ANLN: variants seen among roughly 807,000 people sequenced by gnomAD.
The protein encoded by ANLN is anillin.
A neutral mutation model predicts 135.1 loss-of-function variants in ANLN; 59 were observed. The ratio of observed to expected loss-of-function variants is 0.44; its 90% CI spans 0.35 to 0.54. The LOEUF (loss-of-function observed/expected upper bound fraction) is 0.54, where lower values mean the gene tolerates loss of function less well. Among genes scored for constraint, ANLN ranks in the 20% least tolerant of loss-of-function variants. The probability of loss-of-function intolerance (pLI) is 0.00; values close to 1 mark genes in which losing one functional copy is unlikely to be tolerated. For synonymous variants in ANLN, 406 were observed against 456.4 expected, an observed-to-expected ratio of 0.89 and a Z score of 1.41; for missense variants, 1,182 against 1,340.0, an observed-to-expected ratio of 0.88 and a Z score of 1.84.
rs1786339965 is a variant in ANLN, at chr7:36,389,868, G to A, written c.-159G>A. The A allele has an allele frequency of 7.5e-7, 1 of 1,332,828 alleles. No homozygotes were observed. The highest frequency in any genetic ancestry group is 1.1e-6 in the Non-Finnish European group (1 of 948,702). 82.6% of individuals were successfully genotyped at this position (1,332,828 alleles called of 1,614,324 possible). On this transcript the variant is annotated 5_prime_UTR_variant, in exon 1 of 24. Transcript: ENST00000265748. ...TTGAACGGCTGCAGAGGCCGAGTCC[G>A]TCACTGGAAGCCGAGAGGAGAGGAC...
intron 7 of ANLN, 36 bp downstream of exon 7, chr7:36,411,202 C>A: frequency 6.6e-7 from 1 of 1,526,696 alleles, no homozygotes; most frequent in South Asian, 1.2e-5. Flanking sequence ...CGAACTTGGT[C>A]CCCAAATAGT....
rs149998882 is a variant in ANLN, at chr7:36,435,576, T to C, written c.2884-3628T>C. Among the ~76,000 whole-genome samples the C allele has an allele frequency of 7.9e-4, 120 of 152,176 alleles. 3 individuals carry two copies. In the East Asian group the frequency reaches 0.021, roughly 26 times the overall value. On this transcript the variant is annotated intron_variant, in intron 20 of 23. Coordinates refer to ENST00000265748, the MANE Select transcript of ANLN (RefSeq NM_018685.5). ...AATTTCTTTTGCTCAGCGTGATGTTTTTAAGATTTATCCATGGCCGGGCGC... is the reference window on the plus strand; with the variant it reads ...AATTTCTTTTGCTCAGCGTGATGTTCTTAAGATTTATCCATGGCCGGGCGC...
chr7:36,390,112 C>G, intron 1 of ANLN, 68 bp downstream of exon 1: 1 of 1,609,912 alleles, frequency 6.2e-7, no homozygotes, highest in Non-Finnish European at 8.5e-7. Context: ...CTTCCTCTGT[C>G]AACCTCTGGG....
In ANLN at chr7:36,389,988, C is replaced by G; in HGVS notation, c.-39C>G. ...TCACTTTTCTCTTCCTGAATTTGAA[C>G]CACCGTTTCCATCGTCTCGTAGTCC... On this transcript the variant is annotated 5_prime_UTR_variant, in exon 1 of 24. Transcript: ENST00000265748. 1 of 1,614,096 alleles carries G rather than the reference C, an allele frequency of 6.2e-7. No individual in the cohort carries two copies. The highest frequency in any genetic ancestry group is 8.5e-7 in the Non-Finnish European group (1 of 1,179,962).
At chr7:36,435,680 T>C (rs1788506400) in intron 20 of ANLN, among the ~76,000 whole-genome samples, 1 of 151,604 alleles carries the variant, frequency 6.6e-6, no homozygotes, top group South Asian at 2.1e-4. Flanking sequence ...GAGACCATCC[T>C]GGCTAACACG....
chr7:36,432,217 G>A (rs1788360165), intron 20 of ANLN, among the ~76,000 whole-genome samples: 1 of 152,152 alleles, frequency 6.6e-6, no homozygotes, highest in Non-Finnish European at 1.5e-5. Context: ...GTGACAGAGT[G>A]AGACCTTGTT....
Position 36,437,128 on chromosome 7 carries a change from G to A in ANLN, c.2884-2076G>A, listed in dbSNP as rs531109189. 2.6e-5 allele frequency among the ~76,000 whole-genome samples: 4 copies of A among 152,216 alleles called. No individual in the cohort carries two copies. The South Asian group carries it at 8.3e-4, about 32-fold the overall frequency. On this transcript the variant is annotated intron_variant, in intron 20 of 23. Coordinates refer to ENST00000265748, the MANE Select transcript of ANLN (RefSeq NM_018685.5). Reference sequence around the variant, plus strand: ...GCATGACTGAAATTCTGTACTCGTGGAACTGCAGCTCCTCATATTCTCCTC... The same window carrying A: ...GCATGACTGAAATTCTGTACTCGTGAAACTGCAGCTCCTCATATTCTCCTC...
chr7:36,416,044 A>G (rs369655709), intron 8 of ANLN, among the ~76,000 whole-genome samples, 160 bp downstream of exon 8: 13 of 152,158 alleles, frequency 8.5e-5, no homozygotes, highest in African/African-American at 3.1e-4. Flanking sequence ...TTTGAGATGG[A>G]TTCTTGCCCT....
chr7:36,441,138 C>T (rs968279831), intron 21 of ANLN, among the ~76,000 whole-genome samples: 8 of 151,992 alleles, frequency 5.3e-5, no homozygotes, highest in Admixed American at 3.3e-4. Flanking sequence ...GCCTAATGAC[C>T]TTTTCTTTTC....
Position 36,406,489 on chromosome 7 carries a change from G to T in ANLN, c.796G>T (p.Asp266Tyr), listed in dbSNP as rs923512260. The change falls in exon 4 of 24, where the codon GAT (aspartate) becomes TAT (tyrosine). Residue 266 changes from aspartate (D) to tyrosine (Y), a missense_variant. By Grantham distance (160) the Asp-to-Tyr change is radical (BLOSUM62 -3). This residue lies in a region of ANLN where 1,022 missense variants were observed against 1,134.0 expected (regional missense o/e 0.90). Coordinates refer to ENST00000265748, the MANE Select transcript of ANLN (RefSeq NM_018685.5). ...EATFCSQRDG[D>Y]ASLNKALSSS... Reference sequence around the variant, plus strand: ...TACATTCTGTTCCCAAAGGGATGGCGATGCCTCTTTGAATAAAGCCCTATC... The same window carrying T: ...TACATTCTGTTCCCAAAGGGATGGCTATGCCTCTTTGAATAAAGCCCTATC... The T allele has an allele frequency of 1.9e-6, 3 of 1,593,732 alleles. No homozygotes were observed. The highest frequency in any genetic ancestry group is 2.6e-6 in the Non-Finnish European group (3 of 1,167,024).
intron 7 of ANLN, among the ~76,000 whole-genome samples, chr7:36,414,491 T>C (rs539657404): frequency 6.6e-5 from 10 of 152,066 alleles, no homozygotes; most frequent in Non-Finnish European, 1.0e-4. Context: ...AGAGTTAGGA[T>C]AGCAAAAACT....
intron 20 of ANLN, among the ~76,000 whole-genome samples, chr7:36,436,939 C>T (rs1012918496): frequency 2.6e-5 from 4 of 152,094 alleles, no homozygotes; most frequent in African/African-American, 7.2e-5. Flanking sequence ...TGTCTTTTCA[C>T]TTTCTTGATA....
intron 3 of ANLN, among the ~76,000 whole-genome samples, chr7:36,399,606 T>C (rs1256726312): frequency 6.6e-6 from 1 of 152,186 alleles, no homozygotes; most frequent in African/African-American, 2.4e-5. Flanking sequence ...TTGGACTAGT[T>C]CATAGAAACC....
chr7:36,445,161 CTTTTTTTTTT>C (rs70977145), intron 22 of ANLN, among the ~76,000 whole-genome samples: 5 of 57,788 alleles, frequency 8.7e-5, no homozygotes, highest in Non-Finnish European at 1.3e-4. Context: ...ATTTGGGATT[CTTTTTTTTTT>C]TTTTTTTTTT....
intron 7 of ANLN, among the ~76,000 whole-genome samples, chr7:36,413,806 C>G (rs977345335): frequency 6.6e-6 from 1 of 152,020 alleles, no homozygotes; most frequent in Non-Finnish European, 1.5e-5. Flanking sequence ...ACCTGGCCAA[C>G]ATGGTGAAAC....
At chr7:36,397,368 G>A (rs1042750091) in intron 2 of ANLN, among the ~76,000 whole-genome samples, 5 of 152,162 alleles carry the variant, frequency 3.3e-5, no homozygotes, top group Admixed American at 2.0e-4. Flanking sequence ...GTACTATTGA[G>A]TGCTATGTAT....
At chr7:36,435,532 T>C (rs193175480) in intron 20 of ANLN, among the ~76,000 whole-genome samples, 489 of 152,152 alleles carry the variant, frequency 3.2e-3, no homozygotes, top group Middle Eastern at 0.02. Flanking sequence ...AATCAAAGAA[T>C]GTGTACTCTT....
chr7:36,447,792 G>A (rs1370683016), intron 22 of ANLN, among the ~76,000 whole-genome samples: 1 of 152,138 alleles, frequency 6.6e-6, no homozygotes, highest in East Asian at 1.9e-4. Flanking sequence ...AGAATGGCAT[G>A]CAGTTTAAAA....
chr7:36,402,611 TC>T (rs768230170), intron 3 of ANLN, among the ~76,000 whole-genome samples: 19 of 152,186 alleles, frequency 1.2e-4, no homozygotes, highest in Non-Finnish European at 1.6e-4. Context: ...AACGTATCTC[TC>T]TATTTTGACA....
Sources: allele counts gnomAD v4.1 joint callset (sites outside exome capture counted in the v4.1 genomes callset), GRCh38; gene constraint gnomAD v4.1.1; regional missense constraint gnomAD v4.1.1; transcripts MANE v1.5; gene names NCBI Gene and HGNC (gene_info 2026-07-23, HGNC 2026-07-21).